Variants in TRAF3 observed in about 807,000 individuals in gnomAD.
The protein encoded by TRAF3 is TNF receptor-associated factor 3.
Under a neutral mutation model 62.3 loss-of-function variants are expected in TRAF3, and 13 were observed. That is an observed-to-expected ratio of 0.21 (90% CI 0.14 to 0.33). TRAF3 has a LOEUF of 0.33. TRAF3 is among the 10% of genes least tolerant of loss of function. TRAF3 has a pLI of 1.00. For missense variants in TRAF3, 440 were observed against 741.8 expected (o/e 0.59, Z 4.73); for synonymous variants, 269 against 283.4 (o/e 0.95, Z 0.51).
At chr14:102,889,498 A>G in intron 7 of TRAF3, 62 bp from the exon 8 acceptor site, 1 of 1,539,516 alleles carries the variant, frequency 6.5e-7, no homozygotes, top group South Asian at 1.1e-5. Flanking sequence ...CTGTGCCCTA[A>G]TATGTTTGAA....
chr14:102,836,490 G>T (rs1189897959), intron 2 of TRAF3, among the ~76,000 whole-genome samples: 1 of 152,190 alleles, frequency 6.6e-6, no homozygotes, highest in African/African-American at 2.4e-5. Flanking sequence ...AATCATTAGT[G>T]TATTAGGTAA....
intron 1 of TRAF3, among the ~76,000 whole-genome samples, chr14:102,800,821 A>G (rs1898359661): frequency 1.3e-5 from 2 of 151,216 alleles, no homozygotes; most frequent in Non-Finnish European, 2.9e-5. Flanking sequence ...TCAGCCTCTC[A>G]AGTAGCGAGG....
rs369818329 is a variant in TRAF3, at chr14:102,800,695, CT to C, written c.-157+23040del. Among the ~76,000 whole-genome samples the C allele has an allele frequency of 5.6e-3, 750 of 133,164 alleles. 1 individual carries two copies. The highest frequency in any genetic ancestry group is 0.015 in the African/African-American group (525 of 36,092). The allele number at this position is 133,164 out of a possible 152,430, so 87.4% of individuals were successfully genotyped here. ...AATTAACATGTTTCCTGTTCTTTTC[CT>C]TTTTTTTTTTTTTTTTTTTGAGAAG... On this transcript the variant is annotated intron_variant, in intron 1 of 11. Coordinates refer to ENST00000392745, the MANE Select transcript of TRAF3 (RefSeq NM_145725.3).
chr14:102,874,636 G>A (rs1888539966), intron 4 of TRAF3, among the ~76,000 whole-genome samples: 2 of 147,350 alleles, frequency 1.4e-5, no homozygotes, highest in South Asian at 4.2e-4. Flanking sequence ...AAAGTTGAAA[G>A]GTTTTTTCTT....
At chr14:102,779,861 A>G (rs1394216989) in intron 1 of TRAF3, among the ~76,000 whole-genome samples, 1 of 152,226 alleles carries the variant, frequency 6.6e-6, no homozygotes, top group Non-Finnish European at 1.5e-5. Flanking sequence ...CCTATCAAGT[A>G]TTATGCAATA....
chr14:102,880,217 G>A (rs1214916723), intron 6 of TRAF3, among the ~76,000 whole-genome samples: 2 of 152,174 alleles, frequency 1.3e-5, no homozygotes, highest in East Asian at 1.9e-4. Context: ...AATGGCTCAT[G>A]CCTATAATCC....
intron 1 of TRAF3, among the ~76,000 whole-genome samples, chr14:102,821,637 T>C (rs1899992162): frequency 6.6e-6 from 1 of 152,258 alleles, no homozygotes; most frequent in Non-Finnish European, 1.5e-5. Flanking sequence ...TTTATGGAAT[T>C]GGAAATGTTT....
chr14:102,808,512 C>CAA (rs5811081), intron 1 of TRAF3, among the ~76,000 whole-genome samples: 1 of 134,196 alleles, frequency 7.5e-6, no homozygotes. Flanking sequence ...GACTCCATCT[C>CAA]AAAAAAAAAA....
intron 1 of TRAF3, among the ~76,000 whole-genome samples, chr14:102,810,391 A>G (rs1339596935): frequency 1.3e-5 from 2 of 152,234 alleles, no homozygotes; most frequent in African/African-American, 4.8e-5. Context: ...GTTGAAGCTT[A>G]GTTCTGGAGT....
rs1048561409 is a variant in TRAF3 at position 102,908,404 on chromosome 14, C to T, written c.*2620C>T. The T allele has an allele frequency of 2.6e-5, 4 of 152,394 alleles. No homozygotes were observed. Among genetic ancestry groups the T allele is most frequent in the African/African-American group, 7.2e-5 (3 of 41,464 alleles). 9.4% of individuals were successfully genotyped at this position (152,394 alleles called of 1,614,324 possible). A position where few individuals can be genotyped will look rare whatever the true frequency, so the allele number is the denominator to read the frequency against. ...GGGTCTCTGTTCTGAGTGTGTCTTC[C>T]TCTCATGTACTCAACACAGTGGGCA... On this transcript the variant is annotated 3_prime_UTR_variant, in exon 12 of 12. Transcript: ENST00000392745.
At chr14:102,829,862 G>T (rs1296722480) in intron 1 of TRAF3, among the ~76,000 whole-genome samples, 1 of 152,178 alleles carries the variant, frequency 6.6e-6, no homozygotes, top group Non-Finnish European at 1.5e-5. Flanking sequence ...GGGGATGGTG[G>T]CTCACACCTG....
rs541877347 is a variant in TRAF3, at chr14:102,910,774, C to G, written c.*4990C>G. The G allele has an allele frequency of 1.3e-5, 2 of 152,356 alleles. No individual in the cohort carries two copies. Among genetic ancestry groups the G allele is most frequent in the Middle Eastern group, 6.8e-3 (2 of 294 alleles). The allele number at this position is 152,356 out of a possible 1,614,324, so 9.4% of individuals were successfully genotyped here. On this transcript the variant is annotated 3_prime_UTR_variant, in exon 12 of 12. Coordinates refer to ENST00000392745, the MANE Select transcript of TRAF3 (RefSeq NM_145725.3). ...CACTGTGTCTAGTCTGTCTTGTGAA[C>G]TCTCACCGTGAAAAGAGGCTAGAAG...
intron 1 of TRAF3, among the ~76,000 whole-genome samples, chr14:102,820,029 G>A (rs897683777): frequency 6.6e-6 from 1 of 152,202 alleles, no homozygotes; most frequent in Non-Finnish European, 1.5e-5. Flanking sequence ...CTGCCCTCCC[G>A]TGTAGGGGGT....
chr14:102,791,267 C>A (rs1897779734), intron 1 of TRAF3, among the ~76,000 whole-genome samples: 1 of 152,104 alleles, frequency 6.6e-6, no homozygotes, highest in Non-Finnish European at 1.5e-5. Flanking sequence ...GATCCACCCA[C>A]CTCGGCCTCC....
chr14:102,830,681 C>T (rs1222028390), intron 2 of TRAF3, among the ~76,000 whole-genome samples: 4 of 152,170 alleles, frequency 2.6e-5, no homozygotes, highest in South Asian at 2.1e-4. Flanking sequence ...CTGCCCTTAA[C>T]GCTGTGTGCT....
chr14:102,839,011 G>A (rs1277883056), intron 2 of TRAF3, among the ~76,000 whole-genome samples: 4 of 151,962 alleles, frequency 2.6e-5, no homozygotes, highest in Non-Finnish European at 5.9e-5. Flanking sequence ...TGAAATGAAC[G>A]CTGTAGAGAA....
chr14:102,782,394 C>T (rs113983951), intron 1 of TRAF3, among the ~76,000 whole-genome samples: 4,384 of 151,912 alleles, frequency 0.029, 197 homozygotes, highest in African/African-American at 0.1. Context: ...CCCCCATTCC[C>T]AGCTAATTTT....
intron 1 of TRAF3, among the ~76,000 whole-genome samples, chr14:102,781,868 C>T (rs1449571899): frequency 2.6e-5 from 4 of 151,334 alleles, no homozygotes; most frequent in Non-Finnish European, 4.4e-5. Flanking sequence ...TCTCAGCTCA[C>T]TGCAACCTCC....
chr14:102,792,176 G>A (rs1363918706), intron 1 of TRAF3, among the ~76,000 whole-genome samples: 1 of 137,998 alleles, frequency 7.2e-6, no homozygotes, highest in African/African-American at 2.7e-5. Flanking sequence ...CCAGGCTGGA[G>A]TACAGTGATG....
Sources: gnomAD v4.1 joint callset for allele counts (sites outside exome capture counted in the v4.1 genomes callset) on GRCh38, gnomAD v4.1.1 for gene constraint, MANE v1.5 for transcripts, NCBI Gene and HGNC (gene_info 2026-07-23, HGNC 2026-07-21) for gene names.